PTPRM: variants seen among roughly 807,000 people sequenced by gnomAD.
PTPRM encodes the protein receptor-type tyrosine-protein phosphatase mu.
Under a neutral mutation model 186.7 loss-of-function variants are expected in PTPRM, and 47 were observed. The observed-to-expected ratio is 0.25, with a 90% CI of 0.20 to 0.32. The LOEUF (loss-of-function observed/expected upper bound fraction) is 0.32, where lower values mean the gene tolerates loss of function less well. Among genes scored for constraint, PTPRM ranks in the 10% least tolerant of loss-of-function variants. The pLI, the probability that PTPRM is intolerant of heterozygous loss-of-function variation, is 1.00. For missense variants in PTPRM, 1,494 were observed against 1,865.0 expected (o/e 0.80, Z 3.66); for synonymous variants, 668 against 674.9 (o/e 0.99, Z 0.16).
At chr18:8,355,449 T>C (rs553282981) in intron 23 of PTPRM, among the ~76,000 whole-genome samples, 14 of 151,900 alleles carry the variant, frequency 9.2e-5, no homozygotes, top group African/African-American at 3.4e-4. Context: ...CCAGGGGAGA[T>C]AGGGAATGGG....
At chr18:8,089,571 G>A (rs548243479) in intron 11 of PTPRM, among the ~76,000 whole-genome samples, 2 of 152,194 alleles carry the variant, frequency 1.3e-5, no homozygotes, top group East Asian at 3.9e-4. Flanking sequence ...TTGATTCAGA[G>A]GGATTTAAAT....
rs11872211 is a variant in PTPRM at position 8,074,699 on chromosome 18, T to G, written c.1442-1756T>G. On this transcript the variant is annotated intron_variant, in intron 8 of 32. Coordinates refer to ENST00000580170, the MANE Select transcript of PTPRM (RefSeq NM_001105244.2). ...TGTGCTTATTGACTATTTGTTTGTC[T>G]TTTTTGGAGAACTGTTTATTCAGGT... 2.1e-3 allele frequency among the ~76,000 whole-genome samples: 315 copies of G among 152,304 alleles called. 4 individuals are homozygous for G. The highest frequency in any genetic ancestry group is 7.2e-3 in the African/African-American group (301 of 41,570).
chr18:7,946,415 T>C (rs566011612), intron 5 of PTPRM, among the ~76,000 whole-genome samples: 1 of 152,324 alleles, frequency 6.6e-6, no homozygotes, highest in African/African-American at 2.4e-5. Flanking sequence ...CTTACAGATA[T>C]GCAATCTGCC....
chr18:7,983,850 T>A (rs1317942750), intron 7 of PTPRM, among the ~76,000 whole-genome samples: 1 of 152,128 alleles, frequency 6.6e-6, no homozygotes, highest in East Asian at 1.9e-4. Context: ...CGTGCCATAG[T>A]AAAATAAAGT....
intron 2 of PTPRM, among the ~76,000 whole-genome samples, chr18:7,796,917 A>T (rs1357509842): frequency 6.6e-6 from 1 of 152,164 alleles, no homozygotes; most frequent in Non-Finnish European, 1.5e-5. Context: ...TAGGGACCAA[A>T]CAATTATTAC....
At chr18:8,334,710 A>T (rs2095429342) in intron 22 of PTPRM, among the ~76,000 whole-genome samples, 1 of 152,242 alleles carries the variant, frequency 6.6e-6, no homozygotes, top group Non-Finnish European at 1.5e-5. Context: ...TACTGTTCAC[A>T]TTCAACATAT....
intron 1 of PTPRM, among the ~76,000 whole-genome samples, chr18:7,772,970 T>C (rs2042400765): frequency 6.6e-6 from 1 of 152,152 alleles, no homozygotes; most frequent in African/African-American, 2.4e-5. Flanking sequence ...ATGTGAAACA[T>C]GGAGAAAAGA....
intron 1 of PTPRM, among the ~76,000 whole-genome samples, chr18:7,698,812 T>A (rs2039897075): frequency 6.6e-6 from 1 of 152,218 alleles, no homozygotes; most frequent in Admixed American, 6.5e-5. Flanking sequence ...ATTGTCACAT[T>A]ATGGGGCTGG....
intron 2 of PTPRM, among the ~76,000 whole-genome samples, chr18:7,828,116 G>T (rs1406304531): frequency 6.6e-6 from 1 of 152,132 alleles, no homozygotes; most frequent in Non-Finnish European, 1.5e-5. Flanking sequence ...TTTATATGTG[G>T]TCCTATCTCA....
chr18:7,626,745 T>A (rs913450048), intron 1 of PTPRM, among the ~76,000 whole-genome samples: 4 of 152,076 alleles, frequency 2.6e-5, no homozygotes, highest in African/African-American at 9.7e-5. Context: ...CAGGCTGGAG[T>A]GCAGTGGTGC....
At chr18:8,280,136 G>A (rs1215075609) in intron 19 of PTPRM, among the ~76,000 whole-genome samples, 1 of 152,160 alleles carries the variant, frequency 6.6e-6, no homozygotes, top group Admixed American at 6.5e-5. Context: ...CAGTCTGGAG[G>A]CTGGAAATGC....
At position 8,295,517 on chromosome 18, in the gene PTPRM, C is replaced by T. The variant is rs79582368; in HGVS notation, c.2755-851C>T. Among the ~76,000 whole-genome samples, 10 of 152,192 alleles carry T rather than the reference C, an allele frequency of 6.6e-5. No homozygotes were observed. The East Asian group carries it at 1.9e-3, about 29-fold the overall frequency. On this transcript the variant is annotated intron_variant, in intron 19 of 32. Transcript: ENST00000580170. ...CAAATGGTGCTCTCATTCATCTGCT[C>T]ACCCTTCATCTCTTCCTCTTTCCCT...
intron 13 of PTPRM, among the ~76,000 whole-genome samples, chr18:8,133,437 A>C (rs1282962616): frequency 6.6e-6 from 1 of 152,204 alleles, no homozygotes; most frequent in East Asian, 1.9e-4. Flanking sequence ...TTAGTGTATG[A>C]CATAAAGATT....
intron 11 of PTPRM, among the ~76,000 whole-genome samples, chr18:8,089,551 A>C (rs1197081285): frequency 5.9e-5 from 9 of 152,276 alleles, no homozygotes; most frequent in Non-Finnish European, 1.3e-4. Context: ...TACATAAGTG[A>C]AATTTCTACT....
chr18:7,865,443 CAT>C (rs2047633906), intron 2 of PTPRM, among the ~76,000 whole-genome samples: 1 of 152,124 alleles, frequency 6.6e-6, no homozygotes, highest in South Asian at 2.1e-4. Context: ...TTGAAATAAT[CAT>C]GTGCTTTTTG....
intron 19 of PTPRM, among the ~76,000 whole-genome samples, chr18:8,294,932 C>A (rs2095079920): frequency 1.3e-5 from 2 of 152,172 alleles, no homozygotes; most frequent in African/African-American, 2.4e-5. Flanking sequence ...TCTTCTCCAG[C>A]CAGTCTCTGA....
Position 8,394,469 on chromosome 18 carries a change from AC to A in PTPRM, c.4209-6del, listed in dbSNP as rs748293426. The A allele has an allele frequency of 6.2e-7, 1 of 1,604,218 alleles. No homozygotes were observed. The highest frequency in any genetic ancestry group is 8.5e-7 in the Non-Finnish European group (1 of 1,175,066). On this transcript the variant is annotated splice_region_variant and splice_polypyrimidine_tract_variant and intron_variant, in intron 31 of 32. Transcript: ENST00000580170. ...CGAGTGCAGTCATCTGATCTTTTTC[AC>A]GACAGGAACGGGGGAGGCCGCAGTG...
chr18:8,206,852 T>TGGG (rs1351513865), intron 14 of PTPRM, among the ~76,000 whole-genome samples: 244 of 151,892 alleles, frequency 1.6e-3, no homozygotes, highest in African/African-American at 5.6e-3. Flanking sequence ...AAAAAGGGGT[T>TGGG]GGCGGGGTGG....
intron 2 of PTPRM, among the ~76,000 whole-genome samples, chr18:7,826,979 A>G (rs921916879): frequency 2.6e-5 from 4 of 152,118 alleles, no homozygotes; most frequent in East Asian, 1.9e-4. Flanking sequence ...ATATTCACCT[A>G]TAATCCCAGG....
Sources: gnomAD v4.1 joint callset for allele counts (sites outside exome capture counted in the v4.1 genomes callset) on GRCh38, gnomAD v4.1.1 for gene constraint, MANE v1.5 for transcripts, NCBI Gene and HGNC (gene_info 2026-07-23, HGNC 2026-07-21) for gene names.